Variants in GALNT7 observed in about 807,000 individuals in gnomAD.
GALNT7 encodes the protein polypeptide N-acetylgalactosaminyltransferase 7, also known as N-acetylgalactosaminyltransferase 7.
In GALNT7, 60 loss-of-function variants were observed where a neutral mutation model predicts 82.1. The observed-to-expected ratio is 0.73, with a 90% CI of 0.59 to 0.91. The LOEUF (loss-of-function observed/expected upper bound fraction) is 0.91, where lower values mean the gene tolerates loss of function less well. GALNT7 is among the 40% of genes least tolerant of loss of function. The pLI, the probability that GALNT7 is intolerant of heterozygous loss-of-function variation, is 0.00. For synonymous variants in GALNT7, 243 were observed against 275.1 expected (o/e 0.88, Z 1.15); for missense variants, 660 against 804.2 (o/e 0.82, Z 2.17).
Position 173,318,482 on chromosome 4 carries a change from A to C in GALNT7, c.1759A>C (p.Thr587Pro). The change falls in exon 11 of 12, where the codon ACA (threonine) becomes CCA (proline). Residue 587 changes from threonine to proline, a missense_variant. Transcript: ENST00000265000. The stretch of plus-strand genomic sequence containing the variant: ...ACTCATGCAGTATGACCAGTGTTTG[A>C]CAAAGGGAGCTGATGGATCAAAAGT... ...NQLMQYDQCL[T>P]KGADGSKVMI... 6.3e-7 allele frequency: 1 copy of C among 1,596,768 alleles called. No individual in the cohort carries two copies. The highest frequency in any genetic ancestry group is 8.6e-7 in the Non-Finnish European group (1 of 1,165,204).
rs1246485962 is a variant in GALNT7 at position 173,302,955 on chromosome 4, G to A, written c.1266+791G>A. On this transcript the variant is annotated intron_variant, in intron 7 of 11. Coordinates refer to ENST00000265000, the MANE Select transcript of GALNT7 (RefSeq NM_017423.3). The surrounding 1 kb of genome is among the most constrained non-coding windows in gnomAD (Gnocchi z 4.2). ...CTCATGCCTATAAACCCATCACTTT[G>A]GGAGGCCAACATGGGCGGATCATGA... Among the ~76,000 whole-genome samples the A allele has an allele frequency of 6.6e-6, 1 of 152,212 alleles. No individual in the cohort carries two copies. Among genetic ancestry groups the A allele is most frequent in the East Asian group, 1.9e-4 (1 of 5,202 alleles).
At chr4:173,299,023 C>A (rs1291149644) in intron 6 of GALNT7, among the ~76,000 whole-genome samples, 1 of 152,140 alleles carries the variant, frequency 6.6e-6, no homozygotes, top group African/African-American at 2.4e-5. Context: ...TAAAAAGTGA[C>A]CCCAAATGAA....
At chr4:173,287,615 G>A (rs1463881432) in intron 2 of GALNT7, among the ~76,000 whole-genome samples, 1 of 152,216 alleles carries the variant, frequency 6.6e-6, no homozygotes, top group Non-Finnish European at 1.5e-5. Context: ...CGTCCTTTGG[G>A]TCCCAGTGAC....
intron 2 of GALNT7, among the ~76,000 whole-genome samples, chr4:173,276,373 T>G (rs910690850): frequency 6.6e-6 from 1 of 152,298 alleles, no homozygotes; most frequent in South Asian, 2.1e-4. Context: ...AGGGATTGAT[T>G]GATAATAACA....
Position 173,298,257 on chromosome 4 carries a change from C to G in GALNT7, c.1108C>G (p.Gln370Glu). 6.3e-7 allele frequency: 1 copy of G among 1,596,474 alleles called. No individual in the cohort carries two copies. Among genetic ancestry groups the G allele is most frequent in the Non-Finnish European group, 8.5e-7 (1 of 1,174,442 alleles). Residue 370 changes from glutamine (Q) to glutamate (E), a missense_variant, in exon 6 of 12, where the codon CAA becomes GAA. Transcript: ENST00000265000. The stretch of plus-strand genomic sequence containing the variant: ...CTGGAAACGGGTGCCTCTGACCCCT[C>G]AAGAGAAGAGACTGAGAAAGACAAA... ...MLWKRVPLTP[Q>E]EKRLRKTKTE...
At chr4:173,243,832 C>T (rs533229504) in intron 1 of GALNT7, among the ~76,000 whole-genome samples, 1 of 151,942 alleles carries the variant, frequency 6.6e-6, no homozygotes, top group South Asian at 2.1e-4. Flanking sequence ...CAGTACGGGT[C>T]TATCTGATTT....
At chr4:173,189,132 A>T (rs1053725072) in intron 1 of GALNT7, among the ~76,000 whole-genome samples, 7 of 152,156 alleles carry the variant, frequency 4.6e-5, no homozygotes, top group Non-Finnish European at 1.0e-4. Context: ...TATGCTCCCC[A>T]TATTGTTTTC....
At chr4:173,212,735 ATG>A (rs959203451) in intron 1 of GALNT7, among the ~76,000 whole-genome samples, 13 of 19,528 alleles carry the variant, frequency 6.7e-4, no homozygotes, top group Non-Finnish European at 2.1e-3. Flanking sequence ...ATTTTGACAC[ATG>A]TCTATTGGAC....
chr4:173,258,763 T>A (rs1207591411), intron 2 of GALNT7, among the ~76,000 whole-genome samples: 1 of 152,228 alleles, frequency 6.6e-6, no homozygotes, highest in Non-Finnish European at 1.5e-5. Context: ...AATTCTGGCA[T>A]ATACACCCAT....
At chr4:173,174,137 T>C (rs1372944377) in intron 1 of GALNT7, among the ~76,000 whole-genome samples, 1 of 152,200 alleles carries the variant, frequency 6.6e-6, no homozygotes, top group Non-Finnish European at 1.5e-5. Flanking sequence ...TTTGCTGTTT[T>C]CAGTGTCCCA....
intron 1 of GALNT7, among the ~76,000 whole-genome samples, chr4:173,228,992 T>C (rs745793570): frequency 2.8e-4 from 43 of 152,200 alleles, no homozygotes; most frequent in Admixed American, 3.9e-4. Context: ...CAACTCCTCT[T>C]TGGTGTCAAT....
intron 1 of GALNT7, among the ~76,000 whole-genome samples, chr4:173,242,090 A>G (rs1281459321): frequency 6.6e-6 from 1 of 152,198 alleles, no homozygotes; most frequent in East Asian, 1.9e-4. Context: ...AGTTTAATAT[A>G]CAGTATTAGA....
chr4:173,179,025 C>T (rs955630008), intron 1 of GALNT7, among the ~76,000 whole-genome samples: 2 of 152,154 alleles, frequency 1.3e-5, no homozygotes. Context: ...ACTTAACATG[C>T]TCAGTGATTA....
intron 1 of GALNT7, among the ~76,000 whole-genome samples, chr4:173,230,051 T>C (rs1001172885): frequency 6.6e-6 from 1 of 152,168 alleles, no homozygotes; most frequent in African/African-American, 2.4e-5. Context: ...AAGGGAACCT[T>C]TTCAATAGAA....
At chr4:173,274,676 G>A (rs1401059081) in intron 2 of GALNT7, among the ~76,000 whole-genome samples, 1 of 152,156 alleles carries the variant, frequency 6.6e-6, no homozygotes, top group Non-Finnish European at 1.5e-5. Flanking sequence ...GTATTAAAGT[G>A]CTTTGAAACT....
At chr4:173,234,165 T>G (rs995314437) in intron 1 of GALNT7, among the ~76,000 whole-genome samples, 1 of 152,224 alleles carries the variant, frequency 6.6e-6, no homozygotes, top group South Asian at 2.1e-4. Flanking sequence ...TTTCCACATA[T>G]TGGGCTAGTC....
intron 2 of GALNT7, among the ~76,000 whole-genome samples, chr4:173,277,655 G>A (rs572698860): frequency 3.9e-5 from 6 of 152,248 alleles, no homozygotes; most frequent in African/African-American, 1.2e-4. Context: ...AAAAACAGGA[G>A]ACATTCTAGA....
chr4:173,303,980 T>C lies in GALNT7; in HGVS notation c.1267-16T>C. 1 of 1,595,498 alleles carries C rather than the reference T, an allele frequency of 6.3e-7. No individual in the cohort carries two copies. The highest frequency in any genetic ancestry group is 8.5e-7 in the Non-Finnish European group (1 of 1,171,620). On this transcript the variant is annotated splice_polypyrimidine_tract_variant and intron_variant, in intron 7 of 11. Transcript: ENST00000265000. ...TGTATTTGAAACAACTTTCACAACGTGTTTTTCCTTCATAGATATGGCAGT... is the reference window on the plus strand; with the variant it reads ...TGTATTTGAAACAACTTTCACAACGCGTTTTTCCTTCATAGATATGGCAGT...
intron 11 of GALNT7, 160 bp downstream of exon 11, chr4:173,318,719 A>T (rs1009656118): frequency 3.7e-6 from 2 of 534,340 alleles, no homozygotes; most frequent in Non-Finnish European, 3.3e-6. Flanking sequence ...GCACTGGATG[A>T]CTCATTGTTC....
Sources: allele counts gnomAD v4.1 joint callset (sites outside exome capture counted in the v4.1 genomes callset), GRCh38; gene constraint gnomAD v4.1.1; non-coding constraint Gnocchi (gnomAD v3.1); transcripts MANE v1.5; gene names NCBI Gene and HGNC (gene_info 2026-07-23, HGNC 2026-07-21).